Variants in RGS12 observed in about 807,000 individuals in gnomAD.
RGS12 encodes regulator of G-protein signaling 12.
In RGS12, 66 loss-of-function variants were observed where a neutral mutation model predicts 120.1. That is an observed-to-expected ratio of 0.55 (90% confidence interval 0.45 to 0.67). The LOEUF is 0.67. Ranked by LOEUF, RGS12 falls within the 30% of genes least tolerant of loss-of-function variation. The probability of loss-of-function intolerance (pLI) is 0.00; values close to 1 mark genes in which losing one functional copy is unlikely to be tolerated. For synonymous variants in RGS12, 827 were observed against 804.7 expected (o/e 1.03, Z -0.47); for missense variants, 1,859 against 1,957.7 (o/e 0.95, Z 0.95).
In RGS12 at chr4:3,430,975, C is replaced by G. The variant is rs751031185; in HGVS notation, c.4114+20C>G. The G allele has an allele frequency of 1.2e-5, 19 of 1,610,040 alleles. No individual in the cohort carries two copies. The highest frequency in any genetic ancestry group is 1.6e-5 in the Non-Finnish European group (19 of 1,179,722). On this transcript the variant is annotated intron_variant, in intron 17 of 17. Transcript: ENST00000336727. ...GACCAGGTACCTCCAGGTTCTGATCCCTCCACCTTGGCCCCGTAAGCGTGG... is the reference window on the plus strand; with the variant it reads ...GACCAGGTACCTCCAGGTTCTGATCGCTCCACCTTGGCCCCGTAAGCGTGG...
intron 3 of RGS12, among the ~76,000 whole-genome samples, chr4:3,379,470 T>TAAAATATCATATCA (rs1280901300): frequency 1.3e-5 from 2 of 152,210 alleles, no homozygotes; most frequent in Admixed American, 1.3e-4. Context: ...ATACATATAT[T>TAAAATATCATATCA]AAAATATCAT....
At chr4:3,318,348 G>T (rs1724949854) in intron 2 of RGS12, among the ~76,000 whole-genome samples, 1 of 152,318 alleles carries the variant, frequency 6.6e-6, no homozygotes, top group Admixed American at 6.5e-5. Context: ...TTGTCTTGGA[G>T]CTCAGGATAA....
intron 4 of RGS12, among the ~76,000 whole-genome samples, chr4:3,403,966 G>A (rs1720858165): frequency 2.0e-5 from 3 of 152,220 alleles, no homozygotes; most frequent in Non-Finnish European, 4.4e-5. Context: ...AGCTAAGGGA[G>A]TAAGGAGGGG....
At chr4:3,332,137 C>T (rs923907882) in intron 2 of RGS12, among the ~76,000 whole-genome samples, 2 of 152,300 alleles carry the variant, frequency 1.3e-5, no homozygotes, top group South Asian at 4.1e-4. Context: ...AGCAAAGGGG[C>T]AGAGACCAGT....
chr4:3,320,978 CT>C (rs1725143603), intron 2 of RGS12, among the ~76,000 whole-genome samples: 2 of 152,280 alleles, frequency 1.3e-5, no homozygotes, highest in South Asian at 4.1e-4. Flanking sequence ...GAGGAGGCCC[CT>C]GGAGGGTGCC....
intron 4 of RGS12, among the ~76,000 whole-genome samples, chr4:3,400,270 A>C (rs1720446856): frequency 6.6e-6 from 1 of 152,246 alleles, no homozygotes; most frequent in South Asian, 2.1e-4. Flanking sequence ...AATCAAATCC[A>C]GTAGCATTTT....
intron 17 of RGS12, among the ~76,000 whole-genome samples, chr4:3,434,167 A>G (rs1356306045): frequency 2.0e-5 from 3 of 152,202 alleles, no homozygotes; most frequent in African/African-American, 7.2e-5. Flanking sequence ...CAGTCATGGC[A>G]GAAGGCACCT....
intron 3 of RGS12, among the ~76,000 whole-genome samples, chr4:3,359,020 C>G (rs1715186202): frequency 3.2e-5 from 1 of 30,858 alleles, no homozygotes; most frequent in Non-Finnish European, 6.5e-5. Context: ...CCTCCTCCTC[C>G]CCTCCCCCTC....
intron 4 of RGS12, among the ~76,000 whole-genome samples, chr4:3,397,111 C>G (rs531172936): frequency 6.6e-6 from 1 of 152,250 alleles, no homozygotes; most frequent in South Asian, 2.1e-4. Flanking sequence ...GAGATGATTT[C>G]AGGCTAATGC....
chr4:3,316,151 G>T lies in RGS12; in HGVS notation c.-20G>T. ...CAAGGGAACAATGAGACGTGCTCTT[G>T]GTCTTGGAAGCTCATCAGAATGTTT... On this transcript the variant is annotated 5_prime_UTR_variant, in exon 2 of 18. Transcript: ENST00000336727. 1 of 1,524,158 alleles carries T rather than the reference G, an allele frequency of 6.6e-7. No individual in the cohort carries two copies. The highest frequency in any genetic ancestry group is 8.8e-7 in the Non-Finnish European group (1 of 1,137,032). 94.4% of individuals were successfully genotyped at this position (1,524,158 alleles called of 1,614,324 possible).
At chr4:3,430,341 T>A (rs572446092) in intron 16 of RGS12, 66 bp from the exon 17 acceptor site, 2 of 1,420,984 alleles carry the variant, frequency 1.4e-6, no homozygotes, top group African/African-American at 2.8e-5. Flanking sequence ...TCTAGAATGT[T>A]CTGCGGTGAC....
chr4:3,406,015 C>G (rs1043792381), intron 4 of RGS12, among the ~76,000 whole-genome samples: 7 of 151,642 alleles, frequency 4.6e-5, no homozygotes, highest in African/African-American at 1.7e-4. Flanking sequence ...GTCCCGGCTC[C>G]CCCATAAGCA....
At chr4:3,380,690 G>A (rs992632324) in intron 3 of RGS12, among the ~76,000 whole-genome samples, 1 of 152,202 alleles carries the variant, frequency 6.6e-6, no homozygotes. Context: ...TGAGCTCTAC[G>A]TTAGCCCCTT....
At chr4:3,422,824 C>T in intron 11 of RGS12, 81 bp from the exon 12 acceptor site, 1 of 1,266,212 alleles carries the variant, frequency 7.9e-7, no homozygotes. Flanking sequence ...CTCTGCACAG[C>T]TGTGTGCCTG....
chr4:3,353,921 C>G (rs372584676), intron 3 of RGS12, among the ~76,000 whole-genome samples: 1 of 152,138 alleles, frequency 6.6e-6, no homozygotes, highest in East Asian at 1.9e-4. Flanking sequence ...TTCCTTAACA[C>G]ACTACTTCCC....
intron 2 of RGS12, among the ~76,000 whole-genome samples, chr4:3,318,519 C>G (rs1724962381): frequency 6.6e-6 from 1 of 152,220 alleles, no homozygotes; most frequent in African/African-American, 2.4e-5. Context: ...GCTGTTTCCT[C>G]CATGGGGAAT....
Position 3,317,480 on chromosome 4 carries a change from G to A in RGS12, c.1310G>A (p.Arg437Gln), listed in dbSNP as rs141031890. 3.7e-5 allele frequency: 60 copies of A among 1,613,680 alleles called. No homozygotes were observed. Among genetic ancestry groups the A allele is most frequent in the African/African-American group, 2.5e-4 (19 of 74,942 alleles). The change falls in exon 2 of 18, where the codon CGG becomes CAG. Residue 437 changes from arginine to glutamine, a missense_variant. By Grantham distance (43) the Arg-to-Gln change is conservative. This residue lies in a region of RGS12 where 967 missense variants were observed against 994.2 expected (regional missense o/e 0.97). Coordinates refer to ENST00000336727, the MANE Select transcript of RGS12 (RefSeq NM_001394154.1). ...TTCCACCAGGAGGAGAAGAGCAACCGGGTCCTTGTGGTGGACCTGGGTGGG... is the reference window on the plus strand; with the variant it reads ...TTCCACCAGGAGGAGAAGAGCAACCAGGTCCTTGTGGTGGACCTGGGTGGG... ...GNFHQEEKSN[R>Q]VLVVDLGGSS...
chr4:3,430,111 G>A lies in RGS12; in HGVS notation c.3566-296G>A, dbSNP rs370594787. Among the ~76,000 whole-genome samples the A allele has an allele frequency of 1.9e-3, 288 of 152,324 alleles. 1 individual carries two copies. The highest frequency in any genetic ancestry group is 3.6e-3 in the African/African-American group (148 of 41,558). On this transcript the variant is annotated intron_variant, in intron 16 of 17. Coordinates refer to ENST00000336727, the MANE Select transcript of RGS12 (RefSeq NM_001394154.1). ...AGTTTCCTACTCAGACGGCATCAGC[G>A]CGTAACCGTGTTGAGTCAAGCGTCT...
chr4:3,422,870 G>A (rs199576630), intron 11 of RGS12, 35 bp from the exon 12 acceptor site: 1 of 1,589,816 alleles, frequency 6.3e-7, no homozygotes, highest in Non-Finnish European at 8.6e-7. Flanking sequence ...GCTGCCTGCT[G>A]TGCCCACGTT....
Sources: allele counts gnomAD v4.1 joint callset (sites outside exome capture counted in the v4.1 genomes callset), GRCh38; gene constraint gnomAD v4.1.1; regional missense constraint gnomAD v4.1.1; transcripts MANE v1.5; gene names NCBI Gene and HGNC (gene_info 2026-07-23, HGNC 2026-07-21).